Variants in GPR39 observed in about 807,000 individuals in gnomAD.
GPR39 encodes G protein-coupled receptor 39, also known as zinc sensing receptor.
GPR39 carries 23 observed loss-of-function variants against 18.4 expected under a neutral mutation model. The observed-to-expected ratio is 1.25, with a 90% CI of 0.90 to 1.77. The LOEUF (loss-of-function observed/expected upper bound fraction) is 1.77. Ranked by LOEUF, GPR39 falls within the 40% of genes most tolerant of loss-of-function variation. The pLI, the probability that GPR39 is intolerant of heterozygous loss-of-function variation, is 0.00. For synonymous variants in GPR39, 280 were observed against 257.9 expected (o/e 1.09, Z -0.82); for missense variants, 647 against 602.4 (o/e 1.07, Z -0.78).
At chr2:132,644,403 T>G (rs9967655) in intron 1 of GPR39, among the ~76,000 whole-genome samples, 8,728 of 152,258 alleles carry the variant, frequency 0.057, 810 homozygotes, top group African/African-American at 0.2. Flanking sequence ...ATATTTGCCA[T>G]CTCTGAATAA....
At chr2:132,588,378 A>C (rs2104829399) in intron 1 of GPR39, among the ~76,000 whole-genome samples, 1 of 152,314 alleles carries the variant, frequency 6.6e-6, no homozygotes, top group South Asian at 2.1e-4. Context: ...TTACTGGTTT[A>C]AACCACTACC....
intron 1 of GPR39, among the ~76,000 whole-genome samples, chr2:132,424,581 T>C (rs1680077175): frequency 6.6e-6 from 1 of 152,162 alleles, no homozygotes; most frequent in African/African-American, 2.4e-5. Context: ...CTCCCTTTAA[T>C]GTATCATGAG....
intron 1 of GPR39, among the ~76,000 whole-genome samples, chr2:132,512,699 C>T (rs191361786): frequency 1.5e-3 from 234 of 152,292 alleles, no homozygotes; most frequent in African/African-American, 5.5e-3. Flanking sequence ...AAAGTACACA[C>T]TAGTGCCTGG....
intron 1 of GPR39, among the ~76,000 whole-genome samples, chr2:132,611,358 T>G (rs988619820): frequency 6.6e-6 from 1 of 152,206 alleles, no homozygotes; most frequent in Non-Finnish European, 1.5e-5. Context: ...CAAGTTGGCA[T>G]GTTGAGAGTA....
chr2:132,491,968 A>G (rs1346314086), intron 1 of GPR39, among the ~76,000 whole-genome samples: 1 of 151,686 alleles, frequency 6.6e-6, no homozygotes, highest in Non-Finnish European at 1.5e-5. Flanking sequence ...TAAGTGCTCA[A>G]AAAAATTCAT....
intron 1 of GPR39, among the ~76,000 whole-genome samples, chr2:132,513,368 CGGGA>C (rs1679274035): frequency 6.6e-6 from 1 of 151,904 alleles, no homozygotes; most frequent in Admixed American, 6.6e-5. Context: ...GAGGCTGAAG[CGGGA>C]GGATGGCGTG....
rs192758890 is a variant in GPR39 at position 132,622,281 on chromosome 2, C to T, written c.857-22820C>T. Among the ~76,000 whole-genome samples the T allele has an allele frequency of 9.4e-4, 143 of 152,258 alleles. 1 individual carries two copies. The highest frequency in any genetic ancestry group is 2.6e-3 in the Admixed American group (39 of 15,292). ...TGGTGGCGCACACCTATAATCCCAC[C>T]TACTGTGGAGGCTGAGGCACGAGAA... On this transcript the variant is annotated intron_variant, in intron 1 of 1. Coordinates refer to ENST00000329321, the MANE Select transcript of GPR39 (RefSeq NM_001508.3).
chr2:132,490,529 C>G (rs1442788490), intron 1 of GPR39, among the ~76,000 whole-genome samples: 1 of 151,912 alleles, frequency 6.6e-6, no homozygotes, highest in Non-Finnish European at 1.5e-5. Context: ...ACTCTTTGAC[C>G]TTGTGGAGTT....
chr2:132,448,384 C>T (rs964630025), intron 1 of GPR39, among the ~76,000 whole-genome samples: 1 of 152,140 alleles, frequency 6.6e-6, no homozygotes, highest in Non-Finnish European at 1.5e-5. Flanking sequence ...CTTTCTCTAA[C>T]GTTTTGTTTG....
At chr2:132,453,168 A>C (rs7603040) in intron 1 of GPR39, among the ~76,000 whole-genome samples, 76,397 of 151,922 alleles carry the variant, frequency 0.5, 20,988 homozygotes, top group Non-Finnish European at 0.63. Flanking sequence ...TTAATGATTG[A>C]CATTCTAACT....
intron 1 of GPR39, among the ~76,000 whole-genome samples, chr2:132,515,106 G>A (rs1384519097): frequency 6.6e-6 from 1 of 152,180 alleles, no homozygotes; most frequent in East Asian, 1.9e-4. Flanking sequence ...TTTATTGGTG[G>A]CAGGGGCCAG....
chr2:132,557,092 G>A (rs1018727272), intron 1 of GPR39, among the ~76,000 whole-genome samples: 1 of 148,310 alleles, frequency 6.7e-6, no homozygotes, highest in African/African-American at 2.5e-5. Flanking sequence ...AAGGGGGGGG[G>A]CAGATCACTT....
At chr2:132,598,431 C>CTTTTTTTTTTTTTT (rs34104835) in intron 1 of GPR39, among the ~76,000 whole-genome samples, 1 of 90,458 alleles carries the variant, frequency 1.1e-5, no homozygotes, top group African/African-American at 4.5e-5. Context: ...CTAAGGTGAA[C>CTTTTTTTTTTTTTT]TTTTTTTTTT....
chr2:132,459,619 A>G (rs551469734), intron 1 of GPR39, among the ~76,000 whole-genome samples: 3 of 152,342 alleles, frequency 2.0e-5, no homozygotes, highest in South Asian at 2.1e-4. Flanking sequence ...CCTCTCTGCT[A>G]CTAGCATGTC....
intron 1 of GPR39, among the ~76,000 whole-genome samples, chr2:132,425,430 T>C (rs1386082744): frequency 6.6e-6 from 1 of 152,138 alleles, no homozygotes; most frequent in African/African-American, 2.4e-5. Flanking sequence ...TGGCTGCTGC[T>C]CCTGAAATGG....
At position 132,620,909 on chromosome 2, in the gene GPR39, C is replaced by T. The variant is rs377357436; in HGVS notation, c.857-24192C>T. 3.0e-4 allele frequency among the ~76,000 whole-genome samples: 45 copies of T among 152,228 alleles called. 3 individuals carry two copies. Among genetic ancestry groups the T allele is most frequent in the African/African-American group, 9.1e-4 (38 of 41,544 alleles). ...CTGGGACTACAGGTGCCCACCACCA[C>T]GCCCGGCTAATTTTTTGTATTTTTA... On this transcript the variant is annotated intron_variant, in intron 1 of 1. Transcript: ENST00000329321.
chr2:132,644,178 T>TGTCA (rs1165294247), intron 1 of GPR39, among the ~76,000 whole-genome samples: 7 of 152,356 alleles, frequency 4.6e-5, no homozygotes, highest in African/African-American at 1.4e-4. Flanking sequence ...TCTTTATCTC[T>TGTCA]GTCAGTCAGA....
At chr2:132,565,394 T>TG (rs1170920900) in intron 1 of GPR39, among the ~76,000 whole-genome samples, 1 of 102,110 alleles carries the variant, frequency 9.8e-6, no homozygotes, top group Non-Finnish European at 1.9e-5. Context: ...GAGATGAGTT[T>TG]CCTTTTTTTT....
At chr2:132,553,413 T>C (rs1680091536) in intron 1 of GPR39, among the ~76,000 whole-genome samples, 1 of 151,062 alleles carries the variant, frequency 6.6e-6, no homozygotes, top group Admixed American at 6.6e-5. Context: ...TATATATATG[T>C]ACACACACAA....
Sources: gnomAD v4.1 joint callset for allele counts (sites outside exome capture counted in the v4.1 genomes callset) on GRCh38, gnomAD v4.1.1 for gene constraint, MANE v1.5 for transcripts, NCBI Gene and HGNC (gene_info 2026-07-23, HGNC 2026-07-21) for gene names.